The following GANC variants were observed in gnomAD, a reference collection of about 807,000 sequenced individuals.
The protein encoded by GANC is glucosidase alpha, neutral C, also known as neutral alpha-glucosidase C.
In GANC, 117 loss-of-function variants were observed where a neutral mutation model predicts 124.2. The observed-to-expected ratio is 0.94, with a 90% CI of 0.81 to 1.10. The LOEUF is 1.10. Ranked by LOEUF, GANC falls within the 50% of genes least tolerant of loss-of-function variation. GANC has a pLI of 0.00. For missense variants in GANC, 1,140 were observed against 1,095.0 expected, an observed-to-expected ratio of 1.04 and a Z score of -0.58; for synonymous variants, 377 against 376.8, an observed-to-expected ratio of 1.00 and a Z score of -0.01.
At chr15:42,328,809 T>A (rs1189351028) in intron 13 of GANC, among the ~76,000 whole-genome samples, 1 of 152,202 alleles carries the variant, frequency 6.6e-6, no homozygotes, top group Non-Finnish European at 1.5e-5. Flanking sequence ...AACAGTTCTG[T>A]GTAGGATACA....
intron 16 of GANC, 119 bp downstream of exon 16, chr15:42,338,609 G>A: frequency 1.4e-6 from 1 of 726,106 alleles, no homozygotes; most frequent in Admixed American, 2.4e-5. Flanking sequence ...ATGTGGGAAA[G>A]AAAAAATGTG....
intron 10 of GANC, chr15:42,314,246 C>A: frequency 2.9e-6 from 2 of 699,552 alleles, no homozygotes; most frequent in East Asian, 5.1e-5. Flanking sequence ...CGTAGCTACC[C>A]AGCATGGAAT....
At chr15:42,315,456 C>T (rs1290750510) in intron 10 of GANC, among the ~76,000 whole-genome samples, 2 of 152,156 alleles carry the variant, frequency 1.3e-5, no homozygotes, top group Non-Finnish European at 2.9e-5. Flanking sequence ...TCACTTCACA[C>T]CCACTAGGAT....
chr15:42,287,191 C>T (rs765511593), intron 3 of GANC, among the ~76,000 whole-genome samples: 1 of 152,354 alleles, frequency 6.6e-6, no homozygotes, highest in South Asian at 2.1e-4. Flanking sequence ...AGCCTCCTTT[C>T]ATCCACCACT....
At chr15:42,342,842 C>A (rs1041526082) in intron 18 of GANC, among the ~76,000 whole-genome samples, 1 of 152,172 alleles carries the variant, frequency 6.6e-6, no homozygotes, top group Non-Finnish European at 1.5e-5. Flanking sequence ...TCTCAGTATA[C>A]CCAGAGTGCA....
chr15:42,287,273 A>G (rs1165977642), intron 3 of GANC, among the ~76,000 whole-genome samples: 1 of 152,088 alleles, frequency 6.6e-6, no homozygotes, highest in Non-Finnish European at 1.5e-5. Flanking sequence ...TTCATCTTTC[A>G]TCCAGCTGGA....
At chr15:42,315,232 G>A (rs2052091361) in intron 10 of GANC, among the ~76,000 whole-genome samples, 1 of 149,380 alleles carries the variant, frequency 6.7e-6, no homozygotes, top group Non-Finnish European at 1.5e-5. Flanking sequence ...AAGAAAAGAA[G>A]CCATACTTTA....
chr15:42,343,808 CAGAAGGGCCAGG>C (rs2052344726), intron 19 of GANC, among the ~76,000 whole-genome samples: 1 of 152,066 alleles, frequency 6.6e-6, no homozygotes, highest in Admixed American at 6.5e-5. Context: ...CAGATAAATC[CAGAAGGGCCAGG>C]AGAAGAGCTG....
intron 4 of GANC, 78 bp downstream of exon 4, chr15:42,287,896 T>A: frequency 6.8e-7 from 1 of 1,461,200 alleles, no homozygotes; most frequent in Non-Finnish European, 9.2e-7. Flanking sequence ...AATTTTGTTA[T>A]GTGCACTTCT....
Position 42,273,434 on chromosome 15 carries a change from A to C in GANC, c.-1048A>C. On this transcript the variant is annotated 5_prime_UTR_variant, in exon 1 of 24. Transcript: ENST00000318010. ...GTGGAGTGCCTACCGAAAGCATTTC[A>C]CCCTCTTCCGGTTCGTCCCGCCTTC... 1 of 1,611,914 alleles carries C rather than the reference A, an allele frequency of 6.2e-7. No individual in the cohort carries two copies.
chr15:42,311,849 C>A (rs7182963), intron 10 of GANC, among the ~76,000 whole-genome samples: 2 of 151,498 alleles, frequency 1.3e-5, no homozygotes, highest in East Asian at 1.9e-4. Context: ...CAATCAATAA[C>A]GAAAAAAAAA....
intron 11 of GANC, among the ~76,000 whole-genome samples, chr15:42,322,276 G>T (rs2052166279): frequency 6.6e-6 from 1 of 152,108 alleles, no homozygotes; most frequent in Non-Finnish European, 1.5e-5. Flanking sequence ...GTTTGTTGTG[G>T]CCACCCTGTA....
intron 6 of GANC, among the ~76,000 whole-genome samples, chr15:42,303,361 A>AATATGGAAAGG (rs1322607558): frequency 6.6e-6 from 1 of 152,216 alleles, no homozygotes; most frequent in Non-Finnish European, 1.5e-5. Flanking sequence ...GGAAGCACTA[A>AATATGGAAAGG]ATATGGAAAG....
intron 3 of GANC, 35 bp downstream of exon 3, chr15:42,278,625 G>A: frequency 3.4e-6 from 5 of 1,450,602 alleles, no homozygotes; most frequent in Non-Finnish European, 4.8e-6. Context: ...AGAATAATTT[G>A]TTTCTGTATT....
intron 10 of GANC, among the ~76,000 whole-genome samples, chr15:42,317,177 C>G (rs1197532922): frequency 6.6e-6 from 1 of 152,052 alleles, no homozygotes; most frequent in African/African-American, 2.4e-5. Flanking sequence ...AAGTGCACAT[C>G]AAAGATGAAC....
intron 6 of GANC, among the ~76,000 whole-genome samples, chr15:42,300,923 C>G (rs2051939141): frequency 6.6e-6 from 1 of 151,382 alleles, no homozygotes; most frequent in South Asian, 2.1e-4. Context: ...GAGGCTGAAG[C>G]AGGAGAATCA....
At chr15:42,284,143 A>G (rs2051762872) in intron 3 of GANC, 1 of 609,954 alleles carries the variant, frequency 1.6e-6, no homozygotes, top group Admixed American at 2.8e-5. Context: ...AAGCAAGATC[A>G]ACCTACCAAG....
chr15:42,275,396 T>C (rs2051658157), intron 1 of GANC, among the ~76,000 whole-genome samples: 1 of 152,152 alleles, frequency 6.6e-6, no homozygotes, highest in African/African-American at 2.4e-5. Context: ...TTTAATAAAT[T>C]AAAATAAACG....
intron 3 of GANC, chr15:42,284,453 G>T: frequency 6.3e-6 from 1 of 158,432 alleles, no homozygotes; most frequent in Non-Finnish European, 1.4e-5. Context: ...TATTTAATAA[G>T]GGAGAAATAA....
Sources: allele counts gnomAD v4.1 joint callset (sites outside exome capture counted in the v4.1 genomes callset), GRCh38; gene constraint gnomAD v4.1.1; transcripts MANE v1.5; gene names NCBI Gene and HGNC (gene_info 2026-07-23, HGNC 2026-07-21).